CNTNAP5: variants seen among roughly 807,000 people sequenced by gnomAD.
The protein encoded by CNTNAP5 is contactin-associated protein-like 5.
In CNTNAP5, 72 loss-of-function variants were observed where a neutral mutation model predicts 150.2. The observed-to-expected ratio is 0.48, with a 90% CI of 0.40 to 0.58. CNTNAP5 has a LOEUF of 0.58. Ranked by LOEUF, CNTNAP5 falls within the 20% of genes least tolerant of loss-of-function variation. The probability of loss-of-function intolerance (pLI) is 0.00; values close to 1 mark genes in which losing one functional copy is unlikely to be tolerated. For synonymous variants in CNTNAP5, 672 were observed against 619.8 expected, an observed-to-expected ratio of 1.08 and a Z score of -1.25; for missense variants, 1,636 against 1,626.2, an observed-to-expected ratio of 1.01 and a Z score of -0.10.
intron 13 of CNTNAP5, among the ~76,000 whole-genome samples, chr2:124,649,408 G>A (rs973111817): frequency 6.6e-6 from 1 of 152,272 alleles, no homozygotes; most frequent in Non-Finnish European, 1.5e-5. Context: ...CTCCAGAAAT[G>A]CCCTTCCCTC....
chr2:124,202,915 C>A (rs1052536608), intron 1 of CNTNAP5, among the ~76,000 whole-genome samples: 1 of 152,142 alleles, frequency 6.6e-6, no homozygotes, highest in Non-Finnish European at 1.5e-5. Flanking sequence ...CATCATTCCA[C>A]CCCTGGCCCC....
Position 124,768,192 on chromosome 2 carries a change from G to A in CNTNAP5, c.2533+4045G>A, listed in dbSNP as rs1284033990. Among the ~76,000 whole-genome samples, 4 of 151,940 alleles carry A rather than the reference G, an allele frequency of 2.6e-5. No homozygotes were observed. In the East Asian group the frequency reaches 7.7e-4, roughly 29 times the overall value. On this transcript the variant is annotated intron_variant, in intron 16 of 23. Transcript: ENST00000682447. Reference sequence around the variant, plus strand: ...AAGGCAGTTGTCAGAACTGAAATGTGTAATTTATTTTTAAAAATACCTTGC... The same window carrying A: ...AAGGCAGTTGTCAGAACTGAAATGTATAATTTATTTTTAAAAATACCTTGC...
chr2:124,391,910 C>G (rs61596253), intron 3 of CNTNAP5, among the ~76,000 whole-genome samples: 2 of 151,962 alleles, frequency 1.3e-5, no homozygotes, highest in Non-Finnish European at 2.9e-5. Flanking sequence ...GAGCCGAGAT[C>G]GCGCCACTGC....
At chr2:124,504,151 A>G (rs1264562894) in intron 7 of CNTNAP5, 141 bp from the exon 8 acceptor site, 4 of 832,496 alleles carry the variant, frequency 4.8e-6, no homozygotes, top group Non-Finnish European at 7.5e-6. Context: ...CAAAGCCGAC[A>G]TTTTTTTCTT....
chr2:124,559,824 G>A (rs923595760), intron 10 of CNTNAP5, among the ~76,000 whole-genome samples: 2 of 152,248 alleles, frequency 1.3e-5, no homozygotes, highest in Non-Finnish European at 2.9e-5. Context: ...TATCTCAAGC[G>A]TCTTCTTTAC....
chr2:124,615,101 G>T (rs1677467748), intron 12 of CNTNAP5, among the ~76,000 whole-genome samples: 1 of 152,158 alleles, frequency 6.6e-6, no homozygotes, highest in Admixed American at 6.5e-5. Context: ...TTTTGCTGGT[G>T]GAGGAAAAAG....
chr2:124,035,974 GA>G (rs1341603966), intron 1 of CNTNAP5, among the ~76,000 whole-genome samples: 1 of 139,832 alleles, frequency 7.2e-6, no homozygotes, highest in African/African-American at 2.7e-5. Flanking sequence ...CCGGACTGCG[GA>G]CTGCAGTGGC....
intron 1 of CNTNAP5, among the ~76,000 whole-genome samples, chr2:124,049,650 C>T (rs1347770857): frequency 6.6e-6 from 1 of 152,146 alleles, no homozygotes; most frequent in African/African-American, 2.4e-5. Flanking sequence ...TTTACTGTAA[C>T]ATGAAGGTAA....
chr2:124,701,006 T>TG (rs1024944941), intron 13 of CNTNAP5, among the ~76,000 whole-genome samples: 3 of 152,036 alleles, frequency 2.0e-5, no homozygotes, highest in African/African-American at 7.2e-5. Context: ...TGTTTGTTTT[T>TG]GTGGCAAGAG....
chr2:124,471,235 G>C (rs534741339), intron 6 of CNTNAP5, among the ~76,000 whole-genome samples: 1 of 151,414 alleles, frequency 6.6e-6, no homozygotes, highest in Non-Finnish European at 1.5e-5. Context: ...TGCTCTCTTC[G>C]ATCTATTTGA....
intron 11 of CNTNAP5, among the ~76,000 whole-genome samples, chr2:124,603,979 T>C (rs1424677546): frequency 6.6e-6 from 1 of 152,216 alleles, no homozygotes; most frequent in Non-Finnish European, 1.5e-5. Flanking sequence ...AAAGTCTTGT[T>C]TTTAGGCAAA....
At chr2:124,664,814 G>A (rs1170711415) in intron 13 of CNTNAP5, among the ~76,000 whole-genome samples, 1 of 152,194 alleles carries the variant, frequency 6.6e-6, no homozygotes, top group Non-Finnish European at 1.5e-5. Flanking sequence ...AGCCTCCCGA[G>A]TAGCTGGGAT....
At chr2:124,827,103 C>T (rs752698014) in intron 19 of CNTNAP5, among the ~76,000 whole-genome samples, 3 of 152,016 alleles carry the variant, frequency 2.0e-5, no homozygotes, top group East Asian at 1.9e-4. Flanking sequence ...TTTATTATTT[C>T]CTTAGAGACA....
intron 3 of CNTNAP5, among the ~76,000 whole-genome samples, chr2:124,403,561 A>G (rs1368170193): frequency 6.6e-6 from 1 of 152,222 alleles, no homozygotes; most frequent in Non-Finnish European, 1.5e-5. Context: ...AAAAGTACAC[A>G]TATTTGGCTT....
intron 17 of CNTNAP5, among the ~76,000 whole-genome samples, chr2:124,778,081 C>G (rs1681366490): frequency 6.6e-6 from 1 of 152,108 alleles, no homozygotes; most frequent in Non-Finnish European, 1.5e-5. Flanking sequence ...GACAATAAAA[C>G]AGTTCTCCCT....
chr2:124,794,976 T>C (rs1169910288), intron 18 of CNTNAP5, among the ~76,000 whole-genome samples: 1 of 152,190 alleles, frequency 6.6e-6, no homozygotes, highest in East Asian at 1.9e-4. Flanking sequence ...TTTTATTTAA[T>C]TTGTTTGATT....
At chr2:124,704,392 A>G (rs1679590180) in intron 13 of CNTNAP5, among the ~76,000 whole-genome samples, 1 of 152,084 alleles carries the variant, frequency 6.6e-6, no homozygotes, top group South Asian at 2.1e-4. Context: ...CAAACATAAT[A>G]AAAGAGTGTT....
chr2:124,627,158 CCGG>C (rs1340073056), intron 12 of CNTNAP5, among the ~76,000 whole-genome samples: 3 of 152,132 alleles, frequency 2.0e-5, no homozygotes, highest in Non-Finnish European at 4.4e-5. Context: ...TTCCTGCCTG[CCGG>C]CTCTGAAAAA....
intron 11 of CNTNAP5, among the ~76,000 whole-genome samples, chr2:124,587,460 T>C (rs527300304): frequency 1.8e-4 from 27 of 152,338 alleles, no homozygotes; most frequent in African/African-American, 5.8e-4. Context: ...TACCCAGATA[T>C]ATGGAGTCCA....
Sources: allele counts gnomAD v4.1 joint callset (sites outside exome capture counted in the v4.1 genomes callset), GRCh38; gene constraint gnomAD v4.1.1; transcripts MANE v1.5; gene names NCBI Gene and HGNC (gene_info 2026-07-23, HGNC 2026-07-21).